The following DSCAML1 variants were observed in gnomAD, a reference collection of about 807,000 sequenced individuals.
DSCAML1 encodes cell adhesion molecule DSCAML1.
DSCAML1 carries 38 observed loss-of-function variants against 200.5 expected under a neutral mutation model. The ratio of observed to expected loss-of-function variants is 0.19; its 90% CI spans 0.15 to 0.25. The LOEUF is 0.25. Among genes scored for constraint, DSCAML1 ranks in the 10% least tolerant of loss-of-function variants. The pLI is 1.00. For synonymous variants in DSCAML1, 1,215 were observed against 1,165.0 expected, an observed-to-expected ratio of 1.04 and a Z score of -0.87; for missense variants, 2,223 against 2,858.8, an observed-to-expected ratio of 0.78 and a Z score of 5.07.
chr11:117,536,577 G>A (rs994285314), intron 3 of DSCAML1, among the ~76,000 whole-genome samples: 2 of 152,236 alleles, frequency 1.3e-5, no homozygotes, highest in Admixed American at 1.3e-4. Flanking sequence ...AGGGCATTTA[G>A]TGGTTAGGGG....
intron 3 of DSCAML1, among the ~76,000 whole-genome samples, chr11:117,547,739 C>G (rs1383035809): frequency 2.0e-5 from 3 of 152,214 alleles, no homozygotes; most frequent in Non-Finnish European, 2.9e-5. Flanking sequence ...CTCACTATAG[C>G]CAGACAGACT....
At chr11:117,526,658 C>T (rs1257868631) in intron 4 of DSCAML1, among the ~76,000 whole-genome samples, 1 of 152,046 alleles carries the variant, frequency 6.6e-6, no homozygotes, top group East Asian at 1.9e-4. Context: ...GCTGGGATTA[C>T]AGGTGCCCGC....
At chr11:117,429,490 GC>G (rs1412827879) in intron 32 of DSCAML1, among the ~76,000 whole-genome samples, 1 of 120,960 alleles carries the variant, frequency 8.3e-6, no homozygotes, top group Non-Finnish European at 2.0e-5. Context: ...TGCAACCTCC[GC>G]TTCCCGAGTA....
At chr11:117,447,516 A>G (rs2048204263) in intron 20 of DSCAML1, among the ~76,000 whole-genome samples, 1 of 152,224 alleles carries the variant, frequency 6.6e-6, no homozygotes. Context: ...AGGAAGTACA[A>G]GTAATTTTTA....
chr11:117,724,535 T>C (rs1030200464), intron 3 of DSCAML1, among the ~76,000 whole-genome samples: 7 of 152,212 alleles, frequency 4.6e-5, no homozygotes, highest in Non-Finnish European at 8.8e-5. Flanking sequence ...TTCATTAAAA[T>C]GCTCAGATGC....
Position 117,437,885 on chromosome 11 carries a change from T to C in DSCAML1, c.4432+10A>G. ...TCGCTCCTTCCCTGCCCCAGTGGCC[T>C]GGGCCTCACCCCGCCCGTGGGTCTT... On this transcript the variant is annotated intron_variant, in intron 25 of 32. Coordinates refer to ENST00000651296, the MANE Select transcript of DSCAML1 (RefSeq NM_020693.4). The surrounding 1 kb of genome is among the most constrained non-coding windows in gnomAD (Gnocchi z 5.3). 4 of 1,597,724 alleles carry C rather than the reference T, an allele frequency of 2.5e-6. No individual in the cohort carries two copies. The East Asian group carries it at 9.0e-5, about 36-fold the overall frequency.
intron 3 of DSCAML1, among the ~76,000 whole-genome samples, chr11:117,764,315 A>G (rs926811226): frequency 1.3e-5 from 2 of 152,248 alleles, no homozygotes; most frequent in African/African-American, 4.8e-5. Flanking sequence ...GTGTGAACAC[A>G]TCTATGTACC....
chr11:117,451,016 C>T (rs1433429837), intron 19 of DSCAML1, among the ~76,000 whole-genome samples: 1 of 152,154 alleles, frequency 6.6e-6, no homozygotes, highest in African/African-American at 2.4e-5. Context: ...CTGACCTTAA[C>T]CCCTGACCCT....
chr11:117,580,178 T>C (rs2051015070), intron 3 of DSCAML1, among the ~76,000 whole-genome samples: 1 of 152,204 alleles, frequency 6.6e-6, no homozygotes, highest in South Asian at 2.1e-4. Context: ...GGAAATGTAC[T>C]CAGGAGATCA....
At chr11:117,554,350 G>C (rs763832491) in intron 3 of DSCAML1, among the ~76,000 whole-genome samples, 4 of 152,034 alleles carry the variant, frequency 2.6e-5, no homozygotes. Context: ...AGATACCATG[G>C]ACAAAAACAT....
At chr11:117,607,771 G>T (rs1313200245) in intron 3 of DSCAML1, among the ~76,000 whole-genome samples, 1 of 152,218 alleles carries the variant, frequency 6.6e-6, no homozygotes, top group African/African-American at 2.4e-5. Context: ...GGCAGCATAG[G>T]AACCAGAGGG....
rs1039522048 is a variant in DSCAML1 at position 117,469,326 on chromosome 11, A to G, written c.3024+584T>C. ...TTGGTGGTAGGGCCAGAAGATGCCC[A>G]TTTCTGAGTCCTGCTCAAGGTCATT... On this transcript the variant is annotated intron_variant, in intron 16 of 32. Transcript: ENST00000651296. The surrounding 1 kb of genome is among the most constrained non-coding windows in gnomAD (Gnocchi z 4.1). Among the ~76,000 whole-genome samples the G allele has an allele frequency of 1.1e-4, 17 of 152,060 alleles. No homozygotes were observed. The highest frequency in any genetic ancestry group is 4.1e-4 in the African/African-American group (17 of 41,398).
chr11:117,439,482 T>C, intron 22 of DSCAML1, 53 bp from the exon 23 acceptor site: 1 of 1,580,216 alleles, frequency 6.3e-7, no homozygotes, highest in Non-Finnish European at 8.6e-7. Flanking sequence ...CCCTTCCTCC[T>C]GAGGCCCTCC....
intron 3 of DSCAML1, among the ~76,000 whole-genome samples, chr11:117,657,591 C>A (rs547516896): frequency 1.4e-4 from 21 of 152,306 alleles, no homozygotes; most frequent in African/African-American, 4.3e-4. Flanking sequence ...AGGTCCCTGG[C>A]CAAACCATCT....
intron 3 of DSCAML1, among the ~76,000 whole-genome samples, chr11:117,624,837 G>T (rs1419778491): frequency 6.6e-6 from 1 of 152,152 alleles, no homozygotes; most frequent in Non-Finnish European, 1.5e-5. Context: ...TCTGGCAGGG[G>T]CACAGATTAA....
intron 3 of DSCAML1, among the ~76,000 whole-genome samples, chr11:117,557,996 A>G (rs959890581): frequency 1.3e-5 from 2 of 152,164 alleles, no homozygotes; most frequent in African/African-American, 4.8e-5. Context: ...GATAGCAACC[A>G]CAACAGAGAA....
At chr11:117,759,943 C>T (rs938395341) in intron 3 of DSCAML1, among the ~76,000 whole-genome samples, 2 of 152,094 alleles carry the variant, frequency 1.3e-5, no homozygotes, top group African/African-American at 4.8e-5. Flanking sequence ...CTCAAGGTGG[C>T]CCTGGAAGAG....
intron 29 of DSCAML1, 36 bp from the exon 30 acceptor site, chr11:117,432,540 C>T: frequency 6.3e-7 from 1 of 1,591,012 alleles, no homozygotes; most frequent in South Asian, 1.1e-5. Flanking sequence ...GAGTCCTTTA[C>T]AATTGTTTTT....
intron 3 of DSCAML1, among the ~76,000 whole-genome samples, chr11:117,666,956 A>T (rs1206812943): frequency 6.6e-6 from 1 of 152,112 alleles, no homozygotes; most frequent in Non-Finnish European, 1.5e-5. Flanking sequence ...TTTTGGGGGT[A>T]GGGCTGTCAG....
Sources: allele counts gnomAD v4.1 joint callset (sites outside exome capture counted in the v4.1 genomes callset), GRCh38; gene constraint gnomAD v4.1.1; non-coding constraint Gnocchi (gnomAD v3.1); transcripts MANE v1.5; gene names NCBI Gene and HGNC (gene_info 2026-07-23, HGNC 2026-07-21).